Variants in IL15 observed in about 807,000 individuals in gnomAD.
The protein encoded by IL15 is interleukin 15, also known as interleukin-15.
A neutral mutation model predicts 19.6 loss-of-function variants in IL15; 11 were observed. The ratio of observed to expected loss-of-function variants is 0.56; its 90% CI spans 0.35 to 0.93. IL15 has a LOEUF of 0.93. IL15 is among the 40% of genes least tolerant of loss of function. IL15 has a pLI of 0.01. For missense variants in IL15, 197 were observed against 186.5 expected (o/e 1.06, Z -0.33); for synonymous variants, 58 against 59.6 (o/e 0.97, Z 0.12).
chr4:141,683,437 G>A (rs967424277), intron 2 of IL15, among the ~76,000 whole-genome samples: 2 of 151,642 alleles, frequency 1.3e-5, no homozygotes, highest in African/African-American at 2.4e-5. Flanking sequence ...CTGGCATGGC[G>A]GTGTGCACCT....
intron 2 of IL15, among the ~76,000 whole-genome samples, chr4:141,670,177 A>G (rs1325647077): frequency 6.6e-6 from 1 of 151,984 alleles, no homozygotes; most frequent in East Asian, 1.9e-4. Context: ...TTCTAATTTC[A>G]TAATTCTGTG....
intron 2 of IL15, among the ~76,000 whole-genome samples, chr4:141,667,020 A>C (rs947690960): frequency 6.6e-6 from 1 of 152,206 alleles, no homozygotes; most frequent in Non-Finnish European, 1.5e-5. Flanking sequence ...GCTCCTGAAC[A>C]GCTGAACTTG....
At chr4:141,643,886 G>A (rs1421383382) in intron 1 of IL15, among the ~76,000 whole-genome samples, 1 of 151,666 alleles carries the variant, frequency 6.6e-6, no homozygotes, top group Non-Finnish European at 1.5e-5. Context: ...ATCTCTGATT[G>A]GATGTCTAAT....
At chr4:141,692,909 C>CAATT (rs1177421469) in intron 2 of IL15, among the ~76,000 whole-genome samples, 1 of 150,292 alleles carries the variant, frequency 6.7e-6, no homozygotes. Context: ...GCAGTACCCC[C>CAATT]ATCTGCCAAT....
intron 6 of IL15, among the ~76,000 whole-genome samples, chr4:141,728,626 G>A (rs567640713): frequency 4.6e-5 from 7 of 152,130 alleles, no homozygotes; most frequent in African/African-American, 1.7e-4. Context: ...CCAACTTCAC[G>A]TCAGGGAAAA....
rs190461405 is a variant in IL15 at position 141,678,637 on chromosome 4, C to T, written c.-100+22330C>T. Among the ~76,000 whole-genome samples, 103 of 142,142 alleles carry T rather than the reference C, an allele frequency of 7.2e-4. 1 individual carries two copies. The highest frequency in any genetic ancestry group is 2.4e-3 in the African/African-American group (93 of 38,270). 93.3% of individuals were successfully genotyped at this position (142,142 alleles called of 152,430 possible). The stretch of plus-strand genomic sequence containing the variant: ...TTTTTTTTTTTGACAGAGTCTCACT[C>T]TGTCACTAGGCTAGAGTGCAGTGGC... On this transcript the variant is annotated intron_variant, in intron 2 of 7. Coordinates refer to ENST00000320650, the MANE Select transcript of IL15 (RefSeq NM_000585.5).
chr4:141,678,279 T>G (rs981860974), intron 2 of IL15, among the ~76,000 whole-genome samples: 1 of 152,334 alleles, frequency 6.6e-6, no homozygotes, highest in Non-Finnish European at 1.5e-5. Flanking sequence ...TGATTTCTAC[T>G]TTCTACCCTT....
chr4:141,668,198 G>A lies in IL15; in HGVS notation c.-100+11891G>A, dbSNP rs189994502. 1.3e-4 allele frequency among the ~76,000 whole-genome samples: 20 copies of A among 152,280 alleles called. No individual in the cohort carries two copies. The East Asian group carries it at 3.1e-3, about 24-fold the overall frequency. On this transcript the variant is annotated intron_variant, in intron 2 of 7. Transcript: ENST00000320650. ...GTGCCACATATGGCGGGAAATACAC[G>A]CACATCCTTGTTCAGAAGTATTTTC... is the stretch of plus-strand genomic sequence containing the variant.
At chr4:141,686,845 G>A in intron 2 of IL15, among the ~76,000 whole-genome samples, 1 of 152,006 alleles carries the variant, frequency 6.6e-6, no homozygotes, top group East Asian at 1.9e-4. Flanking sequence ...TAATTTCCTG[G>A]TTCATTATAA....
chr4:141,642,808 C>T (rs1037161094), intron 1 of IL15, among the ~76,000 whole-genome samples: 1 of 152,148 alleles, frequency 6.6e-6, no homozygotes, highest in African/African-American at 2.4e-5. Context: ...GTCTACATTC[C>T]CTTATAACAG....
intron 2 of IL15, among the ~76,000 whole-genome samples, chr4:141,696,721 G>A (rs535225941): frequency 2.0e-4 from 31 of 152,074 alleles, no homozygotes; most frequent in African/African-American, 7.5e-4. Context: ...GTGTAAGGTG[G>A]TATCTCATTG....
At chr4:141,638,425 T>C (rs768534012) in intron 1 of IL15, among the ~76,000 whole-genome samples, 1 of 152,198 alleles carries the variant, frequency 6.6e-6, no homozygotes, top group Non-Finnish European at 1.5e-5. Flanking sequence ...CAGTTGACCA[T>C]TGGTCTGGAA....
chr4:141,658,435 A>G (rs1727679275), intron 2 of IL15, among the ~76,000 whole-genome samples: 1 of 152,132 alleles, frequency 6.6e-6, no homozygotes, highest in African/African-American at 2.4e-5. Context: ...CTATAATCTT[A>G]TGGGACCACC....
At chr4:141,724,410 TAGA>T (rs1271385030) in intron 5 of IL15, among the ~76,000 whole-genome samples, 1 of 151,864 alleles carries the variant, frequency 6.6e-6, no homozygotes, top group Non-Finnish European at 1.5e-5. Flanking sequence ...TTCAAGAAAC[TAGA>T]AGAAGTAGAG....
At chr4:141,647,910 G>A (rs1560900526) in intron 1 of IL15, among the ~76,000 whole-genome samples, 2 of 151,930 alleles carry the variant, frequency 1.3e-5, no homozygotes, top group Non-Finnish European at 2.9e-5. Context: ...TGCCTCTCCG[G>A]CAGGTAAATG....
At chr4:141,638,430 C>G (rs1025436962) in intron 1 of IL15, among the ~76,000 whole-genome samples, 2 of 152,156 alleles carry the variant, frequency 1.3e-5, no homozygotes, top group African/African-American at 4.8e-5. Context: ...GACCATTGGT[C>G]TGGAACTTCT....
At position 141,719,762 on chromosome 4, in the gene IL15, A is replaced by C. The variant is rs78566693; in HGVS notation, c.12+286A>C. On this transcript the variant is annotated intron_variant, in intron 3 of 7. Transcript: ENST00000320650. ...TACTCACTAAATTGTGTAGTCTTAG[A>C]GGGCAGGGTGTGGGTATCATTCATC... 2.3e-3 allele frequency among the ~76,000 whole-genome samples: 348 copies of C among 152,138 alleles called. 2 individuals carry two copies. Among genetic ancestry groups the C allele is most frequent in the Middle Eastern group, 0.02 (6 of 294 alleles).
At chr4:141,711,076 T>C (rs1052456866) in intron 2 of IL15, among the ~76,000 whole-genome samples, 3 of 152,128 alleles carry the variant, frequency 2.0e-5, no homozygotes, top group Middle Eastern at 3.2e-3. Flanking sequence ...TTCTATATCA[T>C]GGTTGTGGTA....
chr4:141,666,081 A>ATTACTTATTTAT (rs1553987606), intron 2 of IL15, among the ~76,000 whole-genome samples: 17 of 143,358 alleles, frequency 1.2e-4, no homozygotes, highest in Admixed American at 2.8e-4. Flanking sequence ...CTTTTTATTT[A>ATTACTTATTTAT]TTATTTATTT....
Sources: gnomAD v4.1 joint callset for allele counts (sites outside exome capture counted in the v4.1 genomes callset) on GRCh38, gnomAD v4.1.1 for gene constraint, MANE v1.5 for transcripts, NCBI Gene and HGNC (gene_info 2026-07-23, HGNC 2026-07-21) for gene names.